The following TSKU variants were observed in gnomAD, a reference collection of about 807,000 sequenced individuals.
TSKU encodes tsukushi.
In TSKU, 4 loss-of-function variants were observed where a neutral mutation model predicts 11.2. The ratio of observed to expected loss-of-function variants is 0.36; its 90% CI spans 0.18 to 0.82. TSKU has a LOEUF of 0.82. TSKU is among the 40% of genes least tolerant of loss of function. TSKU has a pLI of 0.50. For synonymous variants in TSKU, 220 were observed against 232.2 expected (o/e 0.95, Z 0.48); for missense variants, 407 against 482.5 (o/e 0.84, Z 1.47).
intron 1 of TSKU, among the ~76,000 whole-genome samples, chr11:76,785,237 C>T (rs1338859167): frequency 6.6e-6 from 1 of 152,170 alleles, no homozygotes; most frequent in Non-Finnish European, 1.5e-5. Context: ...TTTTAAATGA[C>T]AGTTTGTGGT....
In TSKU at chr11:76,796,566, G is replaced by A. The variant is rs573127395; in HGVS notation, c.950G>A (p.Arg317Gln). 58 of 1,580,112 alleles carry A rather than the reference G, an allele frequency of 3.7e-5. No homozygotes were observed. The highest frequency in any genetic ancestry group is 4.6e-5 in the East Asian group (2 of 43,894). ...AGCGTGGGCCAGGATGTGCGGTGCCGGCGCCTGGTGCGGGAGGGCACCTAC... is the reference window on the plus strand; with the variant it reads ...AGCGTGGGCCAGGATGTGCGGTGCCAGCGCCTGGTGCGGGAGGGCACCTAC... ...SVSVGQDVRC[R>Q]RLVREGTYPR... Residue 317 changes from arginine (R) to glutamine (Q), a missense_variant, in exon 2 of 2, where the codon CGG becomes CAG. By Grantham distance (43) the Arg-to-Gln change is conservative. Coordinates refer to ENST00000333090, the MANE Select transcript of TSKU (RefSeq NM_015516.4). This position sits in a 1 kb window ranked among gnomAD's most constrained non-coding sequence, Gnocchi z 4.1.
At chr11:76,794,299 T>G (rs1944412808) in intron 1 of TSKU, among the ~76,000 whole-genome samples, 1 of 152,208 alleles carries the variant, frequency 6.6e-6, no homozygotes. Context: ...GTGGGTGGTG[T>G]GACCATTAGA....
At chr11:76,787,235 C>T (rs1046286610) in intron 1 of TSKU, among the ~76,000 whole-genome samples, 1 of 152,170 alleles carries the variant, frequency 6.6e-6, no homozygotes, top group African/African-American at 2.4e-5. Context: ...TGCCCCATAG[C>T]GCCTCCTCAT....
intron 1 of TSKU, among the ~76,000 whole-genome samples, chr11:76,784,572 G>C (rs1010260643): frequency 6.6e-6 from 1 of 152,190 alleles, no homozygotes; most frequent in African/African-American, 2.4e-5. Flanking sequence ...ACTCCCTCGC[G>C]GCTCGGGGCG....
intron 1 of TSKU, among the ~76,000 whole-genome samples, chr11:76,790,789 A>G (rs1453692375): frequency 2.6e-5 from 4 of 152,166 alleles, no homozygotes. Flanking sequence ...ATGAAAAAGG[A>G]CTAATACAGT....
intron 1 of TSKU, among the ~76,000 whole-genome samples, chr11:76,790,125 GA>G (rs940834837): frequency 6.7e-5 from 10 of 149,094 alleles, no homozygotes; most frequent in African/African-American, 2.5e-4. Context: ...TTAAAATCCT[GA>G]AACTCTGGAG....
chr11:76,798,036 G>C lies in TSKU; in HGVS notation c.*1358G>C, dbSNP rs1944478763. 6.0e-6 allele frequency: 1 copy of C among 167,264 alleles called. No individual in the cohort carries two copies. Among genetic ancestry groups the C allele is most frequent in the South Asian group, 2.1e-4 (1 of 4,836 alleles). The allele number at this position is 167,264 out of a possible 1,614,324, so 10.4% of individuals were successfully genotyped here. The stretch of plus-strand genomic sequence containing the variant: ...GCATCAGTGGCCACATGGGCATCAG[G>C]GGCTGGCCCCACAGAGACCCCACAG... On this transcript the variant is annotated 3_prime_UTR_variant, in exon 2 of 2. Coordinates refer to ENST00000333090, the MANE Select transcript of TSKU (RefSeq NM_015516.4).
intron 1 of TSKU, among the ~76,000 whole-genome samples, chr11:76,784,758 GGT>G (rs199558302): frequency 0.012 from 1,537 of 131,214 alleles, 70 homozygotes; most frequent in African/African-American, 0.023. Flanking sequence ...GGGGGGGGGG[GGT>G]GCTCAGAGCT....
Position 76,789,803 on chromosome 11 carries a change from C to T in TSKU, c.-8-5806C>T, listed in dbSNP as rs578141431. Among the ~76,000 whole-genome samples, 40 of 152,208 alleles carry T rather than the reference C, an allele frequency of 2.6e-4. 1 individual carries two copies. In the South Asian group the frequency reaches 6.4e-3, roughly 24 times the overall value. On this transcript the variant is annotated intron_variant, in intron 1 of 1. Coordinates refer to ENST00000333090, the MANE Select transcript of TSKU (RefSeq NM_015516.4). ...TTCTCTTTTTCCTGGGGGTAGAGTACGGGTCCCAGAGGGAGGCAGTGTGAA... is the reference window on the plus strand; with the variant it reads ...TTCTCTTTTTCCTGGGGGTAGAGTATGGGTCCCAGAGGGAGGCAGTGTGAA...
At chr11:76,784,902 C>A (rs1051742956) in intron 1 of TSKU, among the ~76,000 whole-genome samples, 14 of 152,234 alleles carry the variant, frequency 9.2e-5, no homozygotes, top group African/African-American at 3.4e-4. Flanking sequence ...GCACAGGCCG[C>A]TAACCTGGGA....
At chr11:76,784,729 C>G (rs1442853770) in intron 1 of TSKU, among the ~76,000 whole-genome samples, 1 of 116,724 alleles carries the variant, frequency 8.6e-6, no homozygotes, top group Non-Finnish European at 1.7e-5. Context: ...CTTGCAGTGC[C>G]TGGGGCTGAC....
chr11:76,796,595 C>T lies in TSKU; in HGVS notation c.979C>T (p.Arg327Trp), dbSNP rs558643251. The T allele has an allele frequency of 1.8e-5, 28 of 1,522,006 alleles. No individual in the cohort carries two copies. The highest frequency in any genetic ancestry group is 1.8e-4 in the Middle Eastern group (1 of 5,680). The allele number at this position is 1,522,006 out of a possible 1,614,324, so 94.3% of individuals were successfully genotyped here. The change falls in exon 2 of 2, where the codon CGG becomes TGG. Residue 327 changes from arginine to tryptophan, a missense_variant. Transcript: ENST00000333090. This position sits in a 1 kb window ranked among gnomAD's most constrained non-coding sequence, Gnocchi z 4.1. ...CCTGGTGCGGGAGGGCACCTACCCC[C>T]GGAGGCCTGGCTCCAGCCCCAAGGT... The part of the protein sequence containing the change: ...RRLVREGTYP[R>W]RPGSSPKVAL...
intron 1 of TSKU, among the ~76,000 whole-genome samples, chr11:76,791,298 C>T (rs1401759211): frequency 3.3e-5 from 5 of 152,278 alleles, no homozygotes; most frequent in Admixed American, 3.3e-4. Context: ...AAAGAAAATG[C>T]CATTTTCTGA....
At chr11:76,790,980 A>G (rs1476621993) in intron 1 of TSKU, among the ~76,000 whole-genome samples, 3 of 152,212 alleles carry the variant, frequency 2.0e-5, no homozygotes, top group Non-Finnish European at 4.4e-5. Context: ...CAAAATCCTG[A>G]TGGCAATATG....
chr11:76,793,613 G>T (rs1353116662), intron 1 of TSKU, among the ~76,000 whole-genome samples: 1 of 152,178 alleles, frequency 6.6e-6, no homozygotes, highest in Non-Finnish European at 1.5e-5. Flanking sequence ...AGCAGGGGAG[G>T]TGGGGCCTTT....
chr11:76,783,679 G>C (rs1043933361), intron 1 of TSKU, among the ~76,000 whole-genome samples: 3 of 152,210 alleles, frequency 2.0e-5, no homozygotes, highest in Non-Finnish European at 4.4e-5. Flanking sequence ...TCACGTTTGT[G>C]GGTCTTTGTG....
At chr11:76,795,518 C>G in intron 1 of TSKU, 91 bp from the exon 2 acceptor site, 4 of 1,475,252 alleles carry the variant, frequency 2.7e-6, no homozygotes, top group Non-Finnish European at 3.7e-6. Context: ...TCTGTGACAC[C>G]TTCCAACAGT....
At chr11:76,786,483 A>G (rs1944313591) in intron 1 of TSKU, among the ~76,000 whole-genome samples, 1 of 152,212 alleles carries the variant, frequency 6.6e-6, no homozygotes, top group African/African-American at 2.4e-5. Context: ...GAAGAGTCAC[A>G]GGCCTCTAGA....
intron 1 of TSKU, among the ~76,000 whole-genome samples, chr11:76,786,656 G>A (rs1427649904): frequency 6.6e-6 from 1 of 152,180 alleles, no homozygotes; most frequent in Non-Finnish European, 1.5e-5. Context: ...TGGACAGGGG[G>A]AGGTGACTGC....
Sources: gnomAD v4.1 joint callset for allele counts (sites outside exome capture counted in the v4.1 genomes callset) on GRCh38, gnomAD v4.1.1 for gene constraint, Gnocchi (gnomAD v3.1) non-coding constraint, MANE v1.5 for transcripts, NCBI Gene and HGNC (gene_info 2026-07-23, HGNC 2026-07-21) for gene names.